The following ZP2 variants were observed in gnomAD, a reference collection of about 807,000 sequenced individuals.
The protein encoded by ZP2 is zona pellucida sperm-binding protein 2.
ZP2 carries 51 observed loss-of-function variants against 84.0 expected under a neutral mutation model. That is an observed-to-expected ratio of 0.61 (90% CI 0.49 to 0.77). The LOEUF (loss-of-function observed/expected upper bound fraction) is 0.77, where lower values mean the gene tolerates loss of function less well. ZP2 is among the 30% of genes least tolerant of loss of function. ZP2 has a pLI of 0.00. For missense variants in ZP2, 909 were observed against 911.9 expected (o/e 1.00, Z 0.04); for synonymous variants, 375 against 330.9 (o/e 1.13, Z -1.45).
chr16:21,198,945 GCT>G, intron 16 of ZP2, 83 bp from the exon 17 acceptor site: 1 of 1,201,580 alleles, frequency 8.3e-7, no homozygotes, highest in East Asian at 2.5e-5. Flanking sequence ...AGAAGTAGAA[GCT>G]CTCTGGAGTA....
In ZP2 at chr16:21,202,107, A is replaced by G. The variant is rs749022996; in HGVS notation, c.1284T>C (p.Tyr428=). Residue 428 remains tyrosine, a synonymous_variant, in exon 11 of 19, where the codon TAT becomes TAC. Transcript: ENST00000574091. The stretch of plus-strand genomic sequence containing the variant: ...CGTGCCATCTGCCAGTACTAACCTT[A>G]TATCTCGTTCCACATCCATTCAGGG... ...HIPLNGCGTR[Y]KFEDDKVVYE... The G allele has an allele frequency of 1.2e-5, 20 of 1,613,158 alleles. No homozygotes were observed. Among genetic ancestry groups the G allele is most frequent in the South Asian group, 8.8e-5 (8 of 90,964 alleles).
upstream of ZP2, chr16:21,214,225 A>G (rs1421050715): frequency 1.5e-5 from 15 of 984,988 alleles, no homozygotes; most frequent in Non-Finnish European, 1.8e-5. Flanking sequence ...TGTTTGTCTC[A>G]CCTAACCCAG....
At position 21,204,415 on chromosome 16, in the gene ZP2, AAAT is replaced by A; in HGVS notation, c.694-14_694-12del. On this transcript the variant is annotated splice_polypyrimidine_tract_variant and intron_variant, in intron 7 of 18. Coordinates refer to ENST00000574091, the MANE Select transcript of ZP2 (RefSeq NM_001376232.1). The stretch of plus-strand genomic sequence containing the variant: ...ATGACTGTTACCTTGCTAGGGGGAG[AAAT>A]AACAGTGATCTTCAAAAACATTGGT... 6.2e-7 allele frequency: 1 copy of A among 1,607,162 alleles called. No individual in the cohort carries two copies. Among genetic ancestry groups the A allele is most frequent in the African/African-American group, 1.3e-5 (1 of 74,904 alleles).
upstream of ZP2, among the ~76,000 whole-genome samples, chr16:21,212,592 T>C (rs971986018): frequency 2.6e-5 from 4 of 152,254 alleles, no homozygotes; most frequent in Admixed American, 2.0e-4. Flanking sequence ...CAATTTGAGA[T>C]AAATCTGTGT....
chr16:21,197,535 G>T lies in ZP2; in HGVS notation c.2183C>A (p.Ala728Glu). Residue 728 changes from alanine (A) to glutamate (E), a missense_variant, in exon 19 of 19, where the codon GCA (alanine) becomes GAA (glutamate). Transcript: ENST00000574091. Reference sequence around the variant, plus strand: ...CAGGTAGTAGATGAAGCCTAGAGTTGCCACCACACCTGCAAAGGCAGCCAC... The same window carrying T: ...CAGGTAGTAGATGAAGCCTAGAGTTTCCACCACACCTGCAAAGGCAGCCAC... ...AAVAAFAGVVATLGFIYYLYE... is the reference protein window; with the variant it reads ...AAVAAFAGVVETLGFIYYLYE... The T allele has an allele frequency of 6.2e-7, 1 of 1,614,146 alleles. No individual in the cohort carries two copies. The highest frequency in any genetic ancestry group is 1.1e-5 in the South Asian group (1 of 91,082).
At chr16:21,200,596 C>A (rs1023714123) in intron 14 of ZP2, among the ~76,000 whole-genome samples, 2 of 152,182 alleles carry the variant, frequency 1.3e-5, no homozygotes, top group African/African-American at 4.8e-5. Context: ...CCTATGTGTA[C>A]AAGTGTGTGG....
In ZP2 at chr16:21,202,261, A is replaced by T. The variant is rs763291226; in HGVS notation, c.1130T>A (p.Phe377Tyr). ...VTGELCTQDGFMDVEVYSYQT... is the reference protein window; with the variant it reads ...VTGELCTQDGYMDVEVYSYQT... Reference sequence around the variant, plus strand: ...GTAGCTGTAGACCTCGACGTCCATAAACCCATCCTGGGTGCACAGCTCCCC... The same window carrying T: ...GTAGCTGTAGACCTCGACGTCCATATACCCATCCTGGGTGCACAGCTCCCC... The change falls in exon 11 of 19, where the codon TTT (phenylalanine) becomes TAT (tyrosine). Residue 377 changes from phenylalanine to tyrosine, a missense_variant. Transcript: ENST00000574091. 4.3e-5 allele frequency: 66 copies of T among 1,543,764 alleles called. No homozygotes were observed. Among genetic ancestry groups the T allele is most frequent in the Non-Finnish European group, 5.6e-5 (64 of 1,150,308 alleles).
At chr16:21,202,622 G>A (rs1221258806) in intron 10 of ZP2, among the ~76,000 whole-genome samples, 4 of 152,168 alleles carry the variant, frequency 2.6e-5, no homozygotes, top group South Asian at 2.1e-4. Context: ...TAAGTACAGC[G>A]CCTATGTTAT....
At chr16:21,211,791 G>C, upstream of ZP2, 1 of 1,432,186 alleles carries the variant, frequency 7.0e-7, no homozygotes, top group East Asian at 2.5e-5. Flanking sequence ...ATCAGCTCCA[G>C]GTGAGTGAAT....
upstream of ZP2, chr16:21,214,096 GC>G (rs1213037076): frequency 6.2e-6 from 2 of 322,252 alleles, no homozygotes; most frequent in Non-Finnish European, 8.9e-6. Context: ...TTTGGTCAGA[GC>G]CCCCAAATTT....
chr16:21,205,308 C>T (rs994161786), intron 7 of ZP2, 112 bp downstream of exon 7: 1 of 1,277,200 alleles, frequency 7.8e-7, no homozygotes, highest in African/African-American at 1.5e-5. Context: ...ACTTAATAGG[C>T]ATTAAAATGG....
chr16:21,205,546 A>C lies in ZP2; in HGVS notation c.567T>G (p.Gly189=). The change falls in exon 7 of 19, where the codon GGT becomes GGG. Residue 189 remains glycine, a synonymous_variant. Transcript: ENST00000574091. ...TCAGAGTTTTGGCTCTTGCACCATCACCAACCTCAATGCTCCATCCCATCT... is the reference window on the plus strand; with the variant it reads ...TCAGAGTTTTGGCTCTTGCACCATCCCCAACCTCAATGCTCCATCCCATCT... ...KVQMGWSIEV[G]DGARAKTLTL... is the part of the protein sequence containing the mutation. 6.2e-7 allele frequency: 1 copy of C among 1,614,010 alleles called. No homozygotes were observed. The highest frequency in any genetic ancestry group is 8.5e-7 in the Non-Finnish European group (1 of 1,179,978).
chr16:21,209,475 GATT>G (rs2093264726), intron 4 of ZP2, among the ~76,000 whole-genome samples, 153 bp downstream of exon 4: 1 of 152,172 alleles, frequency 6.6e-6, no homozygotes, highest in African/African-American at 2.4e-5. Context: ...GGCCTAGACA[GATT>G]ATAATAGAAA....
chr16:21,207,081 C>A, intron 4 of ZP2, 91 bp from the exon 5 acceptor site: 1 of 1,459,444 alleles, frequency 6.9e-7, no homozygotes, highest in Non-Finnish European at 9.4e-7. Context: ...TGGGAAAACC[C>A]TTAAAGTTAC....
Position 21,201,779 on chromosome 16 carries a change from G to A in ZP2, c.1431C>T (p.Asn477=), listed in dbSNP as rs1043016082. 3.1e-6 allele frequency: 5 copies of A among 1,614,124 alleles called. No homozygotes were observed. Among genetic ancestry groups the A allele is most frequent in the Middle Eastern group, 1.7e-4 (1 of 6,060 alleles). The change falls in exon 13 of 19, where the codon AAC becomes AAT. Residue 477 remains asparagine (N), a synonymous_variant. Transcript: ENST00000574091. ...YSRNDMLLNI[N]VESLTPPVAS... is the part of the protein sequence containing the mutation. ...CCACTGGAGGAGTAAGGCTTTCAAC[G>A]TTGATGTTTAGTAGCATGTCATTCC...
At chr16:21,205,360 C>T (rs1277113169) in intron 7 of ZP2, 60 bp downstream of exon 7, 9 of 1,577,862 alleles carry the variant, frequency 5.7e-6, no homozygotes, top group Non-Finnish European at 7.8e-6. Flanking sequence ...TGAGATCATG[C>T]TTCAATTTAG....
upstream of ZP2, chr16:21,211,694 A>G (rs1337341338): frequency 6.5e-7 from 1 of 1,543,706 alleles, no homozygotes; most frequent in Non-Finnish European, 8.7e-7. Flanking sequence ...GGATTGGGGA[A>G]GGAAGTGGCC....
upstream of ZP2, chr16:21,214,253 G>A: frequency 3.0e-6 from 3 of 985,254 alleles, no homozygotes; most frequent in Non-Finnish European, 3.6e-6. Context: ...GTGTGCTGGG[G>A]ACAGCCACCG....
At position 21,206,917 on chromosome 16, in the gene ZP2, T is replaced by C. The variant is rs2093252522; in HGVS notation, c.404A>G (p.Gln135Arg). 1.2e-6 allele frequency: 2 copies of C among 1,614,150 alleles called. No individual in the cohort carries two copies. Among genetic ancestry groups the C allele is most frequent in the Admixed American group, 3.3e-5 (2 of 60,004 alleles). ...TACTTGCATAGCTGGACAGAAGAACTGATACATGACAGCTCCGTGTCTTAA... is the reference window on the plus strand; with the variant it reads ...TACTTGCATAGCTGGACAGAAGAACCGATACATGACAGCTCCGTGTCTTAA... Reference protein sequence around the residue: ...AALRHGAVMYQFFCPAMQVEE... With the variant: ...AALRHGAVMYRFFCPAMQVEE... The change falls in exon 5 of 19, where the codon CAG (glutamine) becomes CGG (arginine). Residue 135 changes from glutamine to arginine, a missense_variant. Physicochemically the swap from Gln to Arg is conservative, Grantham distance 43. Transcript: ENST00000574091.
Sources: allele counts gnomAD v4.1 joint callset (sites outside exome capture counted in the v4.1 genomes callset), GRCh38; gene constraint gnomAD v4.1.1; transcripts MANE v1.5; gene names NCBI Gene and HGNC (gene_info 2026-07-23, HGNC 2026-07-21).